The following WIPI2 variants were observed in gnomAD, a reference collection of about 807,000 sequenced individuals.
WIPI2 encodes the protein WD repeat domain, phosphoinositide interacting 2, also known as WD repeat domain phosphoinositide-interacting protein 2.
In WIPI2, 28 loss-of-function variants were observed where a neutral mutation model predicts 52.3. That is an observed-to-expected ratio of 0.54 (90% CI 0.40 to 0.73). The LOEUF (loss-of-function observed/expected upper bound fraction) is 0.73, where lower values mean the gene tolerates loss of function less well. Among genes scored for constraint, WIPI2 ranks in the 30% least tolerant of loss-of-function variants. The pLI is 0.00. For synonymous variants in WIPI2, 268 were observed against 245.0 expected, an observed-to-expected ratio of 1.09 and a Z score of -0.88; for missense variants, 506 against 602.9, an observed-to-expected ratio of 0.84 and a Z score of 1.68.
intron 7 of WIPI2, 23 bp downstream of exon 7, chr7:5,218,037 G>C: frequency 6.2e-7 from 1 of 1,612,612 alleles, no homozygotes; most frequent in Non-Finnish European, 8.5e-7. Flanking sequence ...TTCCCCGGGG[G>C]AGCACTGGTG....
At chr7:5,219,657 G>A (rs1009141615) in intron 7 of WIPI2, among the ~76,000 whole-genome samples, 4 of 152,050 alleles carry the variant, frequency 2.6e-5, no homozygotes, top group East Asian at 1.9e-4. Context: ...AGTATTGCAC[G>A]GTAGACGTGC....
intron 7 of WIPI2, chr7:5,218,582 T>C (rs1178494509): frequency 5.2e-5 from 8 of 153,256 alleles, no homozygotes; most frequent in Admixed American, 3.9e-4. Flanking sequence ...AATATGTTGC[T>C]GCCGTAGGTA....
At position 5,229,405 on chromosome 7, in the gene WIPI2, C is replaced by T. The variant is rs1001142176; in HGVS notation, c.1122-203C>T. 1.4e-5 allele frequency: 7 copies of T among 518,474 alleles called. No individual in the cohort carries two copies. The Admixed American group carries it at 1.4e-4, about 10-fold the overall frequency. The allele number at this position is 518,474 out of a possible 1,614,324, so 32.1% of individuals were successfully genotyped here. A position where few individuals can be genotyped will look rare whatever the true frequency, so the allele number is the denominator to read the frequency against. On this transcript the variant is annotated intron_variant, in intron 11 of 12. Transcript: ENST00000288828. ...AATATTGTCTTGTTAGGTATAACTC[C>T]CTCTTTAGACTTTCCATGTAAAACT...
At chr7:5,208,874 G>C (rs1197120094) in intron 3 of WIPI2, among the ~76,000 whole-genome samples, 1 of 152,154 alleles carries the variant, frequency 6.6e-6, no homozygotes, top group Non-Finnish European at 1.5e-5. Context: ...AAAAGAGCCT[G>C]TTGGGATTAT....
rs1345951650 is a variant in WIPI2, at chr7:5,218,010, A to G, written c.665A>G (p.Glu222Gly). The G allele has an allele frequency of 6.2e-7, 1 of 1,614,042 alleles. No homozygotes were observed. The highest frequency in any genetic ancestry group is 8.5e-7 in the Non-Finnish European group (1 of 1,180,016). Residue 222 changes from glutamate to glycine, a missense_variant, in exon 7 of 13, where the codon GAG becomes GGG. Around this residue, in one of 4 missense-constraint regions of WIPI2, gnomAD observed 237 missense variants for 346.9 expected, o/e 0.68. Coordinates refer to ENST00000288828, the MANE Select transcript of WIPI2 (RefSeq NM_015610.4). ...GGAACTAAACTTGCCACGGCTTCGG[A>G]GAAGGTGAGTCTGCTTTTCCCCGGG... ...ASGTKLATAS[E>G]KGTVIRVFSI...
chr7:5,212,812 C>T (rs2115266039), intron 3 of WIPI2, among the ~76,000 whole-genome samples: 1 of 152,404 alleles, frequency 6.6e-6, no homozygotes, highest in Non-Finnish European at 1.5e-5. Context: ...AGCACCGCAT[C>T]TGGCCCCAGC....
chr7:5,192,958 T>C (rs1781550263), intron 1 of WIPI2, among the ~76,000 whole-genome samples, 160 bp from the exon 2 acceptor site: 1 of 152,230 alleles, frequency 6.6e-6, no homozygotes, highest in Non-Finnish European at 1.5e-5. Flanking sequence ...TAAATTCTTT[T>C]TGTATTTGTT....
At position 5,190,812 on chromosome 7, in the gene WIPI2, T is replaced by A. The variant is rs1178233927; in HGVS notation, c.74+319T>A. 1.3e-5 allele frequency: 3 copies of A among 234,300 alleles called. No homozygotes were observed. The East Asian group carries it at 2.5e-4, about 19-fold the overall frequency. 14.5% of individuals were successfully genotyped at this position (234,300 alleles called of 1,614,324 possible). A position where few individuals can be genotyped will look rare whatever the true frequency, so the allele number is the denominator to read the frequency against. Reference sequence around the variant, plus strand: ...CAAAGTTGGGGCCGAACTTTGGGGCTTGACTTGTCTTGGCCGCCTGTGGAG... The same window carrying A: ...CAAAGTTGGGGCCGAACTTTGGGGCATGACTTGTCTTGGCCGCCTGTGGAG... On this transcript the variant is annotated intron_variant, in intron 1 of 12. Transcript: ENST00000288828.
chr7:5,217,183 A>AT lies in WIPI2; in HGVS notation c.575dup (p.Leu192PhefsTer20). 1 of 1,614,132 alleles carries AT rather than the reference A, an allele frequency of 6.2e-7. No homozygotes were observed. Among genetic ancestry groups the AT allele is most frequent in the Non-Finnish European group, 8.5e-7 (1 of 1,180,020 alleles). Reference sequence around the variant, plus strand: ...GAGGTGCAGGTCTTCGATACCATTAATTTGGTGAGATGCCTTTCCTGCTCG... The same window carrying AT: ...GAGGTGCAGGTCTTCGATACCATTAATTTTGGTGAGATGCCTTTCCTGCTCG... On this transcript the variant is annotated frameshift_variant, in exon 6 of 13. Transcript: ENST00000288828. LOFTEE classifies it high-confidence loss of function.
chr7:5,225,667 C>CT (rs998869721), intron 8 of WIPI2, among the ~76,000 whole-genome samples, 156 bp from the exon 9 acceptor site: 2 of 152,144 alleles, frequency 1.3e-5, no homozygotes, highest in Non-Finnish European at 2.9e-5. Flanking sequence ...ATTTTCCTCT[C>CT]TCAAGGAAAA....
intron 6 of WIPI2, 143 bp from the exon 7 acceptor site, chr7:5,217,779 A>C (rs1782894719): frequency 4.0e-6 from 3 of 759,188 alleles, no homozygotes; most frequent in Non-Finnish European, 6.8e-6. Context: ...GCCCAGCCCC[A>C]GTAAATCAAG....
rs1347803918 is a variant in WIPI2 at position 5,227,591 on chromosome 7, C to T, written c.1013+247C>T. On this transcript the variant is annotated intron_variant, in intron 10 of 12. Coordinates refer to ENST00000288828, the MANE Select transcript of WIPI2 (RefSeq NM_015610.4). The surrounding 1 kb of genome is among the most constrained non-coding windows in gnomAD (Gnocchi z 8.1). ...GATAGTCTGCGGTATTAATGAAAGA[C>T]GTTAAGTCAAACCTCGTGAGTGTGC... Among the ~76,000 whole-genome samples the T allele has an allele frequency of 6.6e-6, 1 of 152,190 alleles. No homozygotes were observed. Among genetic ancestry groups the T allele is most frequent in the Non-Finnish European group, 1.5e-5 (1 of 68,046 alleles).
chr7:5,204,675 T>TACC (rs1157008764), intron 3 of WIPI2, among the ~76,000 whole-genome samples: 2 of 152,172 alleles, frequency 1.3e-5, no homozygotes, highest in Admixed American at 1.3e-4. Context: ...TTATGGCTGT[T>TACC]ACCACTACTA....
At chr7:5,224,200 C>T (rs1455100150) in intron 8 of WIPI2, among the ~76,000 whole-genome samples, 2 of 152,224 alleles carry the variant, frequency 1.3e-5, no homozygotes, top group African/African-American at 4.8e-5. Flanking sequence ...AAGAGCCGAT[C>T]TCTTTTATCC....
intron 8 of WIPI2, among the ~76,000 whole-genome samples, chr7:5,223,779 C>T (rs1480991470): frequency 6.6e-6 from 1 of 152,216 alleles, no homozygotes; most frequent in Non-Finnish European, 1.5e-5. Context: ...CACTCCCCAT[C>T]TTGGTAAATA....
At chr7:5,190,547 C>T in intron 1 of WIPI2, 54 bp downstream of exon 1, 4 of 1,391,252 alleles carry the variant, frequency 2.9e-6, no homozygotes, top group Non-Finnish European at 2.8e-6. Flanking sequence ...CGGACCCGGG[C>T]TAGGGGGAGG....
At chr7:5,220,265 G>T (rs1783046154) in intron 7 of WIPI2, among the ~76,000 whole-genome samples, 1 of 142,652 alleles carries the variant, frequency 7.0e-6, no homozygotes, top group Non-Finnish European at 1.5e-5. Context: ...TTTTGAAACG[G>T]AGTCTTGTTC....
At chr7:5,215,998 G>T (rs1190811076) in intron 4 of WIPI2, among the ~76,000 whole-genome samples, 1 of 152,198 alleles carries the variant, frequency 6.6e-6, no homozygotes, top group African/African-American at 2.4e-5. Context: ...CAGCACACTT[G>T]TCTTAGCTGT....
intron 8 of WIPI2, among the ~76,000 whole-genome samples, chr7:5,224,486 A>G (rs767120999): frequency 6.6e-6 from 1 of 152,222 alleles, no homozygotes; most frequent in Non-Finnish European, 1.5e-5. Flanking sequence ...AAAGTAATTC[A>G]TGCAGAGCTG....
Sources: gnomAD v4.1 joint callset for allele counts (sites outside exome capture counted in the v4.1 genomes callset) on GRCh38, gnomAD v4.1.1 for gene constraint, gnomAD v4.1.1 regional missense constraint, Gnocchi (gnomAD v3.1) non-coding constraint, MANE v1.5 for transcripts, NCBI Gene and HGNC (gene_info 2026-07-23, HGNC 2026-07-21) for gene names.